The following KIF21B variants were observed in gnomAD, a reference collection of about 807,000 sequenced individuals.
KIF21B encodes kinesin family member 21B, also known as kinesin-like protein KIF21B.
KIF21B carries 85 observed loss-of-function variants against 192.9 expected under a neutral mutation model. The ratio of observed to expected loss-of-function variants is 0.44; its 90% confidence interval spans 0.37 to 0.53. The LOEUF (loss-of-function observed/expected upper bound fraction) is 0.53, where lower values mean the gene tolerates loss of function less well. Among genes scored for constraint, KIF21B ranks in the 20% least tolerant of loss-of-function variants. KIF21B has a pLI of 0.00. For missense variants in KIF21B, 1,716 were observed against 2,194.8 expected (o/e 0.78, Z 4.36); for synonymous variants, 832 against 884.6 (o/e 0.94, Z 1.05).
intron 3 of KIF21B, among the ~76,000 whole-genome samples, chr1:201,007,455 TAC>T (rs1246768252): frequency 4.8e-4 from 26 of 54,094 alleles, no homozygotes; most frequent in African/African-American, 1.5e-3. Flanking sequence ...CACACAAACA[TAC>T]ACACACACAG....
chr1:201,005,515 A>T, intron 4 of KIF21B, 30 bp downstream of exon 4: 1 of 1,605,282 alleles, frequency 6.2e-7, no homozygotes, highest in Non-Finnish European at 8.5e-7. Flanking sequence ...GATGCCCTGG[A>T]CCTGCTCCAG....
rs770104469 is a variant in KIF21B at position 200,999,280 on chromosome 1, C to T, written c.1885+69G>A. On this transcript the variant is annotated intron_variant, in intron 13 of 34. Coordinates refer to ENST00000461742, the MANE Select transcript of KIF21B (RefSeq NM_001252102.2). This position sits in a 1 kb window ranked among gnomAD's most constrained non-coding sequence, Gnocchi z 4.7. ...GACACCATTATCTTTGAGCAGGGCCCGACCCCACACTTGGGCACTGGCAGC... is the reference window on the plus strand; with the variant it reads ...GACACCATTATCTTTGAGCAGGGCCTGACCCCACACTTGGGCACTGGCAGC... 20 of 1,591,986 alleles carry T rather than the reference C, an allele frequency of 1.3e-5. No individual in the cohort carries two copies. Among genetic ancestry groups the T allele is most frequent in the Middle Eastern group, 1.7e-4 (1 of 6,036 alleles).
intron 1 of KIF21B, among the ~76,000 whole-genome samples, chr1:201,022,598 G>T (rs1012389914): frequency 1.3e-5 from 2 of 152,090 alleles, no homozygotes; most frequent in African/African-American, 4.8e-5. Context: ...CATTTCTGCC[G>T]GCTCAAGTCC....
intron 3 of KIF21B, among the ~76,000 whole-genome samples, chr1:201,008,444 C>T (rs142475271): frequency 7.4e-4 from 113 of 152,254 alleles, no homozygotes; most frequent in African/African-American, 2.6e-3. Context: ...CAGGTACCAC[C>T]CCATTTTGCA....
At chr1:200,987,982 G>C (rs1169127528) in intron 24 of KIF21B, among the ~76,000 whole-genome samples, 1 of 152,186 alleles carries the variant, frequency 6.6e-6, no homozygotes, top group East Asian at 1.9e-4. Context: ...GCAGAATCAT[G>C]GGTGGGGGAA....
At chr1:201,006,999 C>T (rs1326413465) in intron 3 of KIF21B, among the ~76,000 whole-genome samples, 5 of 138,722 alleles carry the variant, frequency 3.6e-5, no homozygotes, top group Admixed American at 1.4e-4. Flanking sequence ...TACACAGACA[C>T]GGACACAGAG....
chr1:200,994,525 C>T (rs1019324539), intron 15 of KIF21B, among the ~76,000 whole-genome samples: 20 of 152,236 alleles, frequency 1.3e-4, no homozygotes, highest in Non-Finnish European at 2.1e-4. Context: ...GAGCCAGGCA[C>T]GTGGCTGAAG....
intron 27 of KIF21B, 119 bp from the exon 28 acceptor site, chr1:200,983,213 C>G: frequency 1.2e-6 from 1 of 808,670 alleles, no homozygotes; most frequent in South Asian, 1.5e-5. Flanking sequence ...TCCAGCGGAG[C>G]AGAGACAGGC....
chr1:201,007,633 GGCACACACACAC>G (rs1282979944), intron 3 of KIF21B, among the ~76,000 whole-genome samples: 30 of 115,710 alleles, frequency 2.6e-4, no homozygotes, highest in Middle Eastern at 7.5e-3. Context: ...GACACAGACA[GGCACACACACAC>G]ACACACAGAC....
At position 201,023,520 on chromosome 1, in the gene KIF21B, G is replaced by A. The variant is rs1658995752; in HGVS notation, c.-137C>T. The A allele has an allele frequency of 2.4e-6, 1 of 423,292 alleles. No homozygotes were observed. The highest frequency in any genetic ancestry group is 2.1e-5 in the African/African-American group (1 of 46,872). 26.2% of individuals were successfully genotyped at this position (423,292 alleles called of 1,614,324 possible). ...GGCTGCGGCGGCGGCGGCTGGAGGT[G>A]ACATGCTCGCGGGCGGCAGGCCGAG... On this transcript the variant is annotated 5_prime_UTR_variant, in exon 1 of 35. Transcript: ENST00000461742. This position sits in a 1 kb window ranked among gnomAD's most constrained non-coding sequence, Gnocchi z 5.9.
In KIF21B at chr1:200,999,022, C is replaced by A. The variant is rs546343226; in HGVS notation, c.1885+327G>T. 3.9e-5 allele frequency among the ~76,000 whole-genome samples: 6 copies of A among 152,260 alleles called. No homozygotes were observed. The highest frequency in any genetic ancestry group is 1.4e-4 in the African/African-American group (6 of 41,548). On this transcript the variant is annotated intron_variant, in intron 13 of 34. Coordinates refer to ENST00000461742, the MANE Select transcript of KIF21B (RefSeq NM_001252102.2). The surrounding 1 kb of genome is among the most constrained non-coding windows in gnomAD (Gnocchi z 4.7). ...TACATTCATGTTTGCTCTGCATGGACCACACTGGGGAAGGTCACTAAACCC... is the reference window on the plus strand; with the variant it reads ...TACATTCATGTTTGCTCTGCATGGAACACACTGGGGAAGGTCACTAAACCC...
At position 200,985,789 on chromosome 1, in the gene KIF21B, C is replaced by CCCCTT. The variant is rs1571922165; in HGVS notation, c.3690-818_3690-817insAAGGG. On this transcript the variant is annotated intron_variant, in intron 26 of 34. Coordinates refer to ENST00000461742, the MANE Select transcript of KIF21B (RefSeq NM_001252102.2). ...CCCCCACTCCCCTCCCCTTCCCCCT[C>CCCCTT]CCCTCCCCTCCCCTCCCCTCCCTTC... is the stretch of plus-strand genomic sequence containing the variant. Among the ~76,000 whole-genome samples, 3 of 86,264 alleles carry CCCCTT rather than the reference C, an allele frequency of 3.5e-5. No individual in the cohort carries two copies. In the East Asian group the frequency reaches 1.1e-3, roughly 31 times the overall value. 56.6% of individuals were successfully genotyped at this position (86,264 alleles called of 152,430 possible). A position where few individuals can be genotyped will look rare whatever the true frequency, so the allele number is the denominator to read the frequency against.
chr1:200,984,792 G>T, intron 27 of KIF21B, 67 bp downstream of exon 27: 1 of 1,235,460 alleles, frequency 8.1e-7, no homozygotes, highest in Non-Finnish European at 1.1e-6. Flanking sequence ...CCTCCAGCAA[G>T]GACCATCCAC....
chr1:200,983,137 G>GAC, intron 27 of KIF21B, 43 bp from the exon 28 acceptor site: 2 of 1,507,144 alleles, frequency 1.3e-6, no homozygotes, highest in African/African-American at 1.4e-5. Context: ...GGTGAGAGGA[G>GAC]ACACACACAG....
Position 201,000,610 on chromosome 1 carries a change from T to C in KIF21B, c.1467-2A>G, listed in dbSNP as rs1183168828. 3 of 1,613,366 alleles carry C rather than the reference T, an allele frequency of 1.9e-6. No homozygotes were observed. Among genetic ancestry groups the C allele is most frequent in the Non-Finnish European group, 2.5e-6 (3 of 1,179,850 alleles). ...GCTTCACTCTCTAGAAGCTTAGTCC[T>C]GCACAGGAAGAACGAGTGGACGGGG... On this transcript the variant is annotated splice_acceptor_variant, in intron 10 of 34. Transcript: ENST00000461742. LOFTEE classifies it high-confidence loss of function. The surrounding 1 kb of genome is among the most constrained non-coding windows in gnomAD (Gnocchi z 6.0).
At chr1:200,985,129 G>T (rs1656201706) in intron 26 of KIF21B, among the ~76,000 whole-genome samples, 157 bp from the exon 27 acceptor site, 1 of 152,188 alleles carries the variant, frequency 6.6e-6, no homozygotes, top group Non-Finnish European at 1.5e-5. Context: ...ACTCCTGGAT[G>T]CTGTCTTTAA....
rs1656335465 is a variant in KIF21B, at chr1:200,986,869, A to G, written c.3664T>C (p.Ser1222Pro). ...TETSPLTRRK[S>P]YDRGQPIRST... ...CTAATGGGCTGCCCTCGGTCGTAGG[A>G]CTTCCTTCTCGTCAGCGGGGACGTC... Residue 1222 changes from serine (S) to proline (P), a missense_variant, in exon 26 of 35, where the codon TCC becomes CCC. Transcript: ENST00000461742. 6.2e-7 allele frequency: 1 copy of G among 1,613,712 alleles called. No individual in the cohort carries two copies. Among genetic ancestry groups the G allele is most frequent in the East Asian group, 2.2e-5 (1 of 44,868 alleles).
In KIF21B at chr1:200,999,498, G is replaced by A. The variant is rs1361827214; in HGVS notation, c.1768-32C>T. 1.9e-6 allele frequency: 3 copies of A among 1,606,048 alleles called. No individual in the cohort carries two copies. The highest frequency in any genetic ancestry group is 8.5e-7 in the Non-Finnish European group (1 of 1,175,554). On this transcript the variant is annotated intron_variant, in intron 12 of 34. Transcript: ENST00000461742. The surrounding 1 kb of genome is among the most constrained non-coding windows in gnomAD (Gnocchi z 4.7). ...ACCAGGCACCATTGGGGTGGGCCTG[G>A]CCTCAGAGAGGGGAGCCCAGAAGCA...
At chr1:201,001,892 G>C (rs1657519527) in intron 9 of KIF21B, 1 of 496,528 alleles carries the variant, frequency 2.0e-6, no homozygotes, top group Non-Finnish European at 3.7e-6. Flanking sequence ...AAGTAGAGAG[G>C]GCTTGGGGTG....
Sources: allele counts gnomAD v4.1 joint callset (sites outside exome capture counted in the v4.1 genomes callset), GRCh38; gene constraint gnomAD v4.1.1; non-coding constraint Gnocchi (gnomAD v3.1); transcripts MANE v1.5; gene names NCBI Gene and HGNC (gene_info 2026-07-23, HGNC 2026-07-21).